CDH20: variants seen among roughly 807,000 people sequenced by gnomAD.
The protein encoded by CDH20 is cadherin-20.
Under a neutral mutation model 74.2 loss-of-function variants are expected in CDH20, and 29 were observed. That is an observed-to-expected ratio of 0.39 (90% CI 0.29 to 0.53). The LOEUF is 0.53. Ranked by LOEUF, CDH20 falls within the 20% of genes least tolerant of loss-of-function variation. The pLI, the probability that CDH20 is intolerant of heterozygous loss-of-function variation, is 0.69. For missense variants in CDH20, 988 were observed against 1,048.3 expected (o/e 0.94, Z 0.79); for synonymous variants, 469 against 405.4 (o/e 1.16, Z -1.88).
At chr18:61,532,732 A>G (rs1912691023) in intron 7 of CDH20, among the ~76,000 whole-genome samples, 1 of 152,160 alleles carries the variant, frequency 6.6e-6, no homozygotes, top group African/African-American at 2.4e-5. Flanking sequence ...ACAATGCACT[A>G]TAGTAAAGAA....
At chr18:61,346,113 A>G (rs1468556352) in intron 1 of CDH20, among the ~76,000 whole-genome samples, 1 of 152,216 alleles carries the variant, frequency 6.6e-6, no homozygotes, top group Non-Finnish European at 1.5e-5. Flanking sequence ...TTTAGAAGTC[A>G]TTGGCTAGGT....
chr18:61,511,175 G>A (rs1911769157), intron 6 of CDH20, among the ~76,000 whole-genome samples: 1 of 147,144 alleles, frequency 6.8e-6, no homozygotes, highest in African/African-American at 2.5e-5. Context: ...TTGTTTGTTT[G>A]AGACAGGGTC....
chr18:61,366,834 AT>A (rs149677990), intron 1 of CDH20, among the ~76,000 whole-genome samples: 2,254 of 152,222 alleles, frequency 0.015, 60 homozygotes, highest in African/African-American at 0.05. Context: ...GCATAGTTAT[AT>A]TTTTACCTAA....
intron 1 of CDH20, among the ~76,000 whole-genome samples, chr18:61,408,111 G>A (rs1285652938): frequency 6.6e-6 from 1 of 152,000 alleles, no homozygotes; most frequent in African/African-American, 2.4e-5. Flanking sequence ...AAGCGAAAGA[G>A]CTTTAAAAGC....
chr18:61,549,164 G>C (rs947568942), intron 10 of CDH20, among the ~76,000 whole-genome samples: 3 of 152,176 alleles, frequency 2.0e-5, no homozygotes, highest in South Asian at 2.1e-4. Flanking sequence ...ACTTGAGAAT[G>C]TAGATTTTAA....
intron 1 of CDH20, among the ~76,000 whole-genome samples, chr18:61,417,779 T>C (rs1342563395): frequency 6.6e-6 from 1 of 152,062 alleles, no homozygotes; most frequent in Non-Finnish European, 1.5e-5. Flanking sequence ...AATAATTTTA[T>C]TGTATTTTTC....
At chr18:61,452,025 A>G (rs1022849762) in intron 1 of CDH20, among the ~76,000 whole-genome samples, 2 of 152,114 alleles carry the variant, frequency 1.3e-5, no homozygotes, top group East Asian at 1.9e-4. Context: ...TTTAAAATAC[A>G]TTTAGTATCT....
At chr18:61,453,238 G>A (rs970122345) in intron 1 of CDH20, among the ~76,000 whole-genome samples, 2 of 152,044 alleles carry the variant, frequency 1.3e-5, no homozygotes, top group Non-Finnish European at 2.9e-5. Context: ...TTCCAAAAAT[G>A]TTATACAAAA....
At chr18:61,449,124 G>C (rs1486483415) in intron 1 of CDH20, among the ~76,000 whole-genome samples, 1 of 152,112 alleles carries the variant, frequency 6.6e-6, no homozygotes, top group Non-Finnish European at 1.5e-5. Flanking sequence ...TCAAACGTGA[G>C]CCCAAACCCT....
intron 1 of CDH20, among the ~76,000 whole-genome samples, chr18:61,451,787 G>A (rs1486081247): frequency 2.0e-5 from 3 of 151,956 alleles, no homozygotes; most frequent in Non-Finnish European, 2.9e-5. Context: ...AGAATCAGTT[G>A]ACTGAAAAGT....
At chr18:61,472,277 G>A (rs1409624222) in intron 1 of CDH20, among the ~76,000 whole-genome samples, 2 of 151,986 alleles carry the variant, frequency 1.3e-5, no homozygotes, top group African/African-American at 2.4e-5. Flanking sequence ...TTGGGGGCTG[G>A]CTGGGTCTTA....
intron 1 of CDH20, among the ~76,000 whole-genome samples, chr18:61,436,449 T>C (rs1237577210): frequency 3.3e-5 from 5 of 152,186 alleles, no homozygotes; most frequent in South Asian, 2.1e-4. Context: ...CTAGCTATCC[T>C]AGTGGATGTA....
intron 2 of CDH20, among the ~76,000 whole-genome samples, chr18:61,495,910 G>A (rs919047152): frequency 6.6e-6 from 1 of 152,024 alleles, no homozygotes; most frequent in African/African-American, 2.4e-5. Context: ...TGTGTAAGTA[G>A]ATCCTGACAT....
intron 1 of CDH20, among the ~76,000 whole-genome samples, chr18:61,432,149 G>A (rs1165699053): frequency 6.6e-6 from 1 of 150,626 alleles, no homozygotes; most frequent in Non-Finnish European, 1.5e-5. Context: ...TCGAGAGACT[G>A]AGGCAGGAGA....
At chr18:61,363,901 T>G (rs977797113) in intron 1 of CDH20, among the ~76,000 whole-genome samples, 1 of 151,972 alleles carries the variant, frequency 6.6e-6, no homozygotes, top group African/African-American at 2.4e-5. Context: ...CCGGGTGAAT[T>G]TTTATATTGT....
chr18:61,495,330 G>A (rs1911099187), intron 2 of CDH20, among the ~76,000 whole-genome samples: 1 of 152,182 alleles, frequency 6.6e-6, no homozygotes, highest in African/African-American at 2.4e-5. Flanking sequence ...CTGGTAAAGC[G>A]GAATATTAAA....
At chr18:61,537,695 A>C (rs946657798) in intron 8 of CDH20, among the ~76,000 whole-genome samples, 3 of 152,290 alleles carry the variant, frequency 2.0e-5, no homozygotes, top group African/African-American at 7.2e-5. Flanking sequence ...GATCATATTC[A>C]TGGATTCATC....
At chr18:61,495,728 C>T (rs1568163688) in intron 2 of CDH20, among the ~76,000 whole-genome samples, 5 of 152,172 alleles carry the variant, frequency 3.3e-5, no homozygotes. Context: ...TTGCCCCAGC[C>T]AGAGGGGCAC....
At chr18:61,408,250 T>C (rs1333209274) in intron 1 of CDH20, among the ~76,000 whole-genome samples, 1 of 152,026 alleles carries the variant, frequency 6.6e-6, no homozygotes, top group Non-Finnish European at 1.5e-5. Flanking sequence ...TGGCAGCAAT[T>C]ATAGAGAAAA....
Sources: allele counts gnomAD v4.1 joint callset (sites outside exome capture counted in the v4.1 genomes callset), GRCh38; gene constraint gnomAD v4.1.1; transcripts MANE v1.5; gene names NCBI Gene and HGNC (gene_info 2026-07-23, HGNC 2026-07-21).